KIAA1671: variants seen among roughly 807,000 people sequenced by gnomAD.
KIAA1671 encodes KIAA1671.
KIAA1671 carries 52 observed loss-of-function variants against 131.2 expected under a neutral mutation model. The ratio of observed to expected loss-of-function variants is 0.40; its 90% CI spans 0.32 to 0.50. KIAA1671 has a LOEUF of 0.50. Among genes scored for constraint, KIAA1671 ranks in the 20% least tolerant of loss-of-function variants. KIAA1671 has a pLI of 0.73. For synonymous variants in KIAA1671, 1,003 were observed against 961.6 expected, an observed-to-expected ratio of 1.04 and a Z score of -0.80; for missense variants, 2,360 against 2,364.2, an observed-to-expected ratio of 1.00 and a Z score of 0.04.
At chr22:25,031,524 G>A (rs1321122411) in intron 3 of KIAA1671, among the ~76,000 whole-genome samples, 2 of 151,654 alleles carry the variant, frequency 1.3e-5, no homozygotes, top group African/African-American at 2.4e-5. Flanking sequence ...TAGAGACGGG[G>A]TTTCACCATG....
chr22:25,129,901 T>C (rs934633731), intron 6 of KIAA1671, among the ~76,000 whole-genome samples: 3 of 152,162 alleles, frequency 2.0e-5, no homozygotes, highest in Non-Finnish European at 4.4e-5. Flanking sequence ...TGTTGACGTA[T>C]ACAATGCTCA....
At chr22:25,033,634 A>G (rs1926424144) in intron 4 of KIAA1671, among the ~76,000 whole-genome samples, 1 of 119,158 alleles carries the variant, frequency 8.4e-6, no homozygotes, top group African/African-American at 3.4e-5. Context: ...GCTGGAGTGC[A>G]GTGATGTGAT....
intron 1 of KIAA1671, among the ~76,000 whole-genome samples, chr22:24,992,049 G>A (rs756985524): frequency 2.0e-5 from 3 of 152,092 alleles, no homozygotes; most frequent in African/African-American, 7.2e-5. Context: ...TTTACAGAGC[G>A]GGCAGGACAT....
chr22:25,097,202 A>G (rs1358020079), intron 6 of KIAA1671, among the ~76,000 whole-genome samples: 1 of 152,172 alleles, frequency 6.6e-6, no homozygotes, highest in East Asian at 1.9e-4. Flanking sequence ...AACCCTGTCA[A>G]AGTATTTGTA....
In KIAA1671 at chr22:25,029,438, A is replaced by C; in HGVS notation, c.1439A>C (p.Gln480Pro). Residue 480 changes from glutamine (Q) to proline (P), a missense_variant, in exon 3 of 13, where the codon CAG becomes CCG. By Grantham distance (76) the Gln-to-Pro change is moderately conservative. This residue lies in a region of KIAA1671 where 1,185 missense variants were observed against 1,126.2 expected (regional missense o/e 1.05). Coordinates refer to ENST00000358431, the MANE Select transcript of KIAA1671 (RefSeq NM_001145206.2). ...CCGGAGAAAGGGGTTGTGAGCGTTC[A>C]GGAACGGATCAGAGGCTGGACTGCC... ...PEPEKGVVSV[Q>P]ERIRGWTAES... 6.4e-7 allele frequency: 1 copy of C among 1,551,414 alleles called. No homozygotes were observed. The highest frequency in any genetic ancestry group is 1.4e-5 in the African/African-American group (1 of 73,180).
intron 5 of KIAA1671, among the ~76,000 whole-genome samples, chr22:25,046,779 A>G (rs968198785): frequency 1.3e-5 from 2 of 152,078 alleles, no homozygotes; most frequent in Non-Finnish European, 2.9e-5. Flanking sequence ...TTGGTTGCCT[A>G]TGGGAGTAAC....
chr22:24,994,084 GA>G (rs1467408875), intron 1 of KIAA1671, among the ~76,000 whole-genome samples: 3 of 150,156 alleles, frequency 2.0e-5, no homozygotes, highest in African/African-American at 7.3e-5. Flanking sequence ...TCCCGTCTCA[GA>G]AGAGAAAAAA....
intron 1 of KIAA1671, chr22:25,024,579 A>G (rs1230031931): frequency 2.0e-5 from 3 of 152,228 alleles, no homozygotes; most frequent in Non-Finnish European, 4.4e-5. Context: ...AGAGTAACTC[A>G]TCTTATGTCC....
intron 6 of KIAA1671, among the ~76,000 whole-genome samples, chr22:25,068,657 C>T (rs959800644): frequency 3.9e-5 from 6 of 152,186 alleles, no homozygotes; most frequent in East Asian, 3.9e-4. Context: ...AGGATGGTCT[C>T]GATCTCCTGA....
At chr22:24,993,817 C>T (rs1398121860) in intron 1 of KIAA1671, among the ~76,000 whole-genome samples, 5 of 151,998 alleles carry the variant, frequency 3.3e-5, no homozygotes, top group African/African-American at 1.2e-4. Context: ...TGGTGGCTCT[C>T]GCTTGTAATC....
intron 1 of KIAA1671, among the ~76,000 whole-genome samples, chr22:24,978,616 T>TTGTTTTAAAAAC (rs1923036567): frequency 6.6e-6 from 1 of 152,278 alleles, no homozygotes; most frequent in Admixed American, 6.5e-5. Flanking sequence ...GGTGCCTGAC[T>TTGTTTTAAAAAC]TGTTTTAAAA....
chr22:25,059,481 CAAAAAA>C, intron 6 of KIAA1671: 2 of 98,290 alleles, frequency 2.0e-5, no homozygotes, highest in Non-Finnish European at 4.0e-5. Flanking sequence ...GACTCCATCT[CAAAAAA>C]AAAAAAAAAA....
chr22:25,020,719 G>C (rs1011621970), intron 1 of KIAA1671, among the ~76,000 whole-genome samples: 278 of 152,346 alleles, frequency 1.8e-3, no homozygotes, highest in African/African-American at 5.9e-3. Context: ...ATTGAGATTA[G>C]CTAGGCAGTG....
chr22:25,089,596 A>T lies in KIAA1671; in HGVS notation c.4530+40232A>T, dbSNP rs536134394. Among the ~76,000 whole-genome samples, 3 of 152,290 alleles carry T rather than the reference A, an allele frequency of 2.0e-5. No individual in the cohort carries two copies. In the South Asian group the frequency reaches 6.2e-4, roughly 32 times the overall value. ...GCCATGTGTGTTTAATTTTTAACAC[A>T]ATCAGATCTTGCTATGCATAGTTAT... On this transcript the variant is annotated intron_variant, in intron 6 of 12. Coordinates refer to ENST00000358431, the MANE Select transcript of KIAA1671 (RefSeq NM_001145206.2).
intron 12 of KIAA1671, 24 bp downstream of exon 12, chr22:25,190,808 A>G: frequency 6.7e-7 from 1 of 1,485,994 alleles, no homozygotes; most frequent in Non-Finnish European, 9.2e-7. Flanking sequence ...CTGTTGGGGA[A>G]CCTGGGAAGA....
At chr22:25,125,174 G>A (rs369595305) in intron 6 of KIAA1671, among the ~76,000 whole-genome samples, 96 of 152,282 alleles carry the variant, frequency 6.3e-4, no homozygotes, top group African/African-American at 2.3e-3. Flanking sequence ...TGACTTCTTT[G>A]TAAAAATTTC....
intron 1 of KIAA1671, chr22:25,012,985 C>G (rs1217476820): frequency 6.6e-6 from 1 of 152,262 alleles, no homozygotes; most frequent in Non-Finnish European, 1.5e-5. Flanking sequence ...TATCCTGTGC[C>G]AGGCACTGAC....
chr22:24,978,257 G>C (rs555277326), intron 1 of KIAA1671, among the ~76,000 whole-genome samples: 1 of 152,248 alleles, frequency 6.6e-6, no homozygotes, highest in Non-Finnish European at 1.5e-5. Flanking sequence ...TAGTGATTAA[G>C]TCTCACGAGA....
intron 4 of KIAA1671, among the ~76,000 whole-genome samples, chr22:25,033,081 C>G (rs1602083951): frequency 6.6e-6 from 1 of 152,082 alleles, no homozygotes; most frequent in African/African-American, 2.4e-5. Flanking sequence ...ACCACCTAGC[C>G]ATAGAAGGAA....
Sources: gnomAD v4.1 joint callset for allele counts (sites outside exome capture counted in the v4.1 genomes callset) on GRCh38, gnomAD v4.1.1 for gene constraint, gnomAD v4.1.1 regional missense constraint, MANE v1.5 for transcripts, NCBI Gene and HGNC (gene_info 2026-07-23, HGNC 2026-07-21) for gene names.